The following ZSCAN20 variants were observed in gnomAD, a reference collection of about 807,000 sequenced individuals.
ZSCAN20 encodes zinc finger and SCAN domain-containing protein 20.
ZSCAN20 carries 39 observed loss-of-function variants against 97.1 expected under a neutral mutation model. The observed-to-expected ratio is 0.40, with a 90% CI of 0.31 to 0.52. The LOEUF is 0.52. ZSCAN20 is among the 20% of genes least tolerant of loss of function. The pLI is 0.49. For missense variants in ZSCAN20, 1,115 were observed against 1,290.4 expected, an observed-to-expected ratio of 0.86 and a Z score of 2.08; for synonymous variants, 456 against 467.3, an observed-to-expected ratio of 0.98 and a Z score of 0.31.
chr1:33,495,595 G>A lies in ZSCAN20; in HGVS notation c.*119G>A. The A allele has an allele frequency of 1.1e-6, 1 of 936,184 alleles. No individual in the cohort carries two copies. Among genetic ancestry groups the A allele is most frequent in the Non-Finnish European group, 1.5e-6 (1 of 689,504 alleles). The allele number at this position is 936,184 out of a possible 1,614,324, so 58.0% of individuals were successfully genotyped here. On this transcript the variant is annotated 3_prime_UTR_variant, in exon 8 of 8. Coordinates refer to ENST00000684572, the MANE Select transcript of ZSCAN20 (RefSeq NM_001377376.1). ...GGTGTGTACCCAGGGAAGTTATCTTGGTATAAACCAGGTAATTTGGAAGTG... is the reference window on the plus strand; with the variant it reads ...GGTGTGTACCCAGGGAAGTTATCTTAGTATAAACCAGGTAATTTGGAAGTG...
Position 33,498,708 on chromosome 1 carries a change from C to T in ZSCAN20, c.*3232C>T, listed in dbSNP as rs961846857. Among the ~76,000 whole-genome samples, 1 of 152,168 alleles carries T rather than the reference C, an allele frequency of 6.6e-6. No homozygotes were observed. Among genetic ancestry groups the T allele is most frequent in the African/African-American group, 2.4e-5 (1 of 41,436 alleles). On this transcript the variant is annotated 3_prime_UTR_variant, in exon 8 of 8. Coordinates refer to ENST00000684572, the MANE Select transcript of ZSCAN20 (RefSeq NM_001377376.1). The stretch of plus-strand genomic sequence containing the variant: ...GGAAAACCAAACCAGCAAATGCTGC[C>T]CTGGGAGGGTGTTACATCATGTGAG...
rs1652723013 is a variant in ZSCAN20 at position 33,493,750 on chromosome 1, T to C, written c.1873+135T>C. 1 of 1,003,662 alleles carries C rather than the reference T, an allele frequency of 1.0e-6. No homozygotes were observed. Among genetic ancestry groups the C allele is most frequent in the African/African-American group, 1.6e-5 (1 of 61,862 alleles). 62.2% of individuals were successfully genotyped at this position (1,003,662 alleles called of 1,614,324 possible). On this transcript the variant is annotated intron_variant, in intron 7 of 7. Coordinates refer to ENST00000684572, the MANE Select transcript of ZSCAN20 (RefSeq NM_001377376.1). The surrounding 1 kb of genome is among the most constrained non-coding windows in gnomAD (Gnocchi z 4.3). ...ATGGGAAAAAGTATTTCTGCTTTGC[T>C]CAGATTATCCAGTCTCTAGCTTTGT...
At position 33,479,617 on chromosome 1, in the gene ZSCAN20, G is replaced by C; in HGVS notation, c.329G>C (p.Trp110Ser). The C allele has an allele frequency of 6.2e-7, 1 of 1,612,940 alleles. No individual in the cohort carries two copies. Among genetic ancestry groups the C allele is most frequent in the Non-Finnish European group, 8.5e-7 (1 of 1,179,462 alleles). Residue 110 changes from tryptophan (W) to serine (S), a missense_variant, in exon 2 of 8, where the codon TGG (tryptophan) becomes TCG (serine). By Grantham distance (177) the Trp-to-Ser change is radical. Around this residue, in one of 3 missense-constraint regions of ZSCAN20, gnomAD observed 508 missense variants for 611.2 expected, o/e 0.83. Transcript: ENST00000684572. ...ATCTTGCCTAGGGAGGTCCAGACCT[G>C]GGTGCAGGCACGCCACCCTGAGAGT... is the stretch of plus-strand genomic sequence containing the variant. ...LTILPREVQT[W>S]VQARHPESGE...
intron 2 of ZSCAN20, among the ~76,000 whole-genome samples, chr1:33,479,945 A>G (rs1652083656): frequency 6.6e-6 from 1 of 152,196 alleles, no homozygotes; most frequent in African/African-American, 2.4e-5. Flanking sequence ...GTGAGAAAAC[A>G]GAGACAGAGA....
At chr1:33,483,944 AT>A (rs35192732) in intron 2 of ZSCAN20, among the ~76,000 whole-genome samples, 117,783 of 151,954 alleles carry the variant, frequency 0.78, 45,983 homozygotes, top group African/African-American at 0.84. Context: ...TAAATATTTC[AT>A]TTTTTTTGGA....
In ZSCAN20 at chr1:33,496,094, G is replaced by A. The variant is rs759676732; in HGVS notation, c.*618G>A. On this transcript the variant is annotated 3_prime_UTR_variant, in exon 8 of 8. Transcript: ENST00000684572. ...CATCATCTCATTTAATCTTCACAAC[G>A]GCCCCAGGAGATAAGTACTAACTTT... 2.6e-5 allele frequency: 4 copies of A among 152,110 alleles called. No homozygotes were observed. The highest frequency in any genetic ancestry group is 5.9e-5 in the Non-Finnish European group (4 of 68,036). 9.4% of individuals were successfully genotyped at this position (152,110 alleles called of 1,614,324 possible).
intron 2 of ZSCAN20, among the ~76,000 whole-genome samples, chr1:33,483,683 A>AC (rs1255307953): frequency 2.0e-5 from 3 of 151,452 alleles, no homozygotes; most frequent in African/African-American, 7.3e-5. Context: ...ATTGAAAAAA[A>AC]AAAAAAGAAA....
chr1:33,488,674 G>C, intron 3 of ZSCAN20, 23 bp downstream of exon 3: 1 of 1,599,406 alleles, frequency 6.3e-7, no homozygotes, highest in Non-Finnish European at 8.5e-7. Context: ...GAGAACATTA[G>C]GGAATGAGGC....
intron 3 of ZSCAN20, 32 bp downstream of exon 3, chr1:33,488,683 G>T (rs1299217024): frequency 1.9e-6 from 3 of 1,593,458 alleles, no homozygotes; most frequent in Non-Finnish European, 2.6e-6. Context: ...AGGGAATGAG[G>T]CCTTCTGCAG....
Position 33,494,384 on chromosome 1 carries a change from C to T in ZSCAN20, c.2040C>T (p.Pro680=). The T allele has an allele frequency of 6.2e-7, 1 of 1,614,096 alleles. No homozygotes were observed. The highest frequency in any genetic ancestry group is 8.5e-7 in the Non-Finnish European group (1 of 1,179,986). ...ENEDEGQWGN[P]SQEQWQESSS... Reference sequence around the variant, plus strand: ...AAGATGAAGGGCAGTGGGGAAATCCCTCACAGGAACAGTGGCAAGAAAGTT... The same window carrying T: ...AAGATGAAGGGCAGTGGGGAAATCCTTCACAGGAACAGTGGCAAGAAAGTT... The change falls in exon 8 of 8, where the codon CCC becomes CCT. Residue 680 remains proline (P), a synonymous_variant. Transcript: ENST00000684572.
Position 33,494,875 on chromosome 1 carries a change from C to T in ZSCAN20, c.2531C>T (p.Ser844Phe). ...TCTTTTAGTGCTCACTGGAGGAATT[C>T]TACAGAAGAGACAGCTCCTGAACAA... ...SPSFSAHWRN[S>F]TEETAPEQPQ... Residue 844 changes from serine to phenylalanine, a missense_variant, in exon 8 of 8, where the codon TCT becomes TTT. Physicochemically the swap from Ser to Phe is radical, Grantham distance 155. Coordinates refer to ENST00000684572, the MANE Select transcript of ZSCAN20 (RefSeq NM_001377376.1). 1 of 1,614,154 alleles carries T rather than the reference C, an allele frequency of 6.2e-7. No individual in the cohort carries two copies.
rs998185582 is a variant in ZSCAN20, at chr1:33,499,880, T to C, written c.*4404T>C. ...CCAAAGCTCCCCTTAACCTCAGTTT[T>C]GATCCCATCCTCCATTTGGGCATTG... On this transcript the variant is annotated 3_prime_UTR_variant, in exon 8 of 8. Coordinates refer to ENST00000684572, the MANE Select transcript of ZSCAN20 (RefSeq NM_001377376.1). Among the ~76,000 whole-genome samples, 6 of 152,100 alleles carry C rather than the reference T, an allele frequency of 3.9e-5. No individual in the cohort carries two copies. The highest frequency in any genetic ancestry group is 1.4e-4 in the African/African-American group (6 of 41,414).
intron 1 of ZSCAN20, among the ~76,000 whole-genome samples, chr1:33,473,953 A>G (rs1186090712): frequency 1.3e-5 from 2 of 152,244 alleles, no homozygotes; most frequent in Non-Finnish European, 2.9e-5. Context: ...AAGCTTTGCT[A>G]TACCAGCCTT....
Position 33,500,218 on chromosome 1 carries a change from G to A in ZSCAN20, c.*4742G>A, listed in dbSNP as rs1653018837. Among the ~76,000 whole-genome samples the A allele has an allele frequency of 6.6e-6, 1 of 152,124 alleles. No individual in the cohort carries two copies. On this transcript the variant is annotated 3_prime_UTR_variant, in exon 8 of 8. Transcript: ENST00000684572. ...GCATGTTTTCGGGGGGCAAAGGCAG[G>A]TTCCTTCCTTACCTTATTGTTGCTT...
At chr1:33,490,966 T>C in intron 5 of ZSCAN20, 59 bp from the exon 6 acceptor site, 1 of 1,479,508 alleles carries the variant, frequency 6.8e-7, no homozygotes, top group Non-Finnish European at 9.1e-7. Flanking sequence ...AGGGAGATTT[T>C]GGACAAACAT....
Position 33,489,158 on chromosome 1 carries a change from C to T in ZSCAN20, c.648C>T (p.Ser216=), listed in dbSNP as rs532453426. The change falls in exon 4 of 8, where the codon AGC becomes AGT. Residue 216 remains serine, a synonymous_variant. Transcript: ENST00000684572. ...TCCCTACTCTCCCAAAGATGGGGAG[C>T]GTTGGAGATTGGGAGGTGACAGCTG... is the stretch of plus-strand genomic sequence containing the variant. ...PRVPTLPKMG[S]VGDWEVTAES... 70 of 1,613,834 alleles carry T rather than the reference C, an allele frequency of 4.3e-5. No individual in the cohort carries two copies. Among genetic ancestry groups the T allele is most frequent in the South Asian group, 4.2e-4 (38 of 90,972 alleles).
chr1:33,495,249 C>T lies in ZSCAN20; in HGVS notation c.2905C>T (p.Arg969Cys), dbSNP rs763522543. 1.6e-5 allele frequency: 26 copies of T among 1,612,372 alleles called. No individual in the cohort carries two copies. The South Asian group carries it at 2.1e-4, about 13-fold the overall frequency. Residue 969 changes from arginine (R) to cysteine (C), a missense_variant, in exon 8 of 8, where the codon CGT becomes TGT. Physicochemically the swap from Arg to Cys is radical, Grantham distance 180. Around this residue, in one of 3 missense-constraint regions of ZSCAN20, gnomAD observed 554 missense variants for 584.9 expected, o/e 0.95. Transcript: ENST00000684572. ...YKCLECGKFF[R>C]DRSNLITHQR... ...ATGCCTTGAGTGTGGAAAATTCTTC[C>T]GTGACCGTTCTAACCTCATTACTCA...
rs756947455 is a variant in ZSCAN20, at chr1:33,479,409, C to T, written c.121C>T (p.Arg41Cys). Residue 41 changes from arginine (R) to cysteine (C), a missense_variant, in exon 2 of 8, where the codon CGT (arginine) becomes TGT (cysteine). By Grantham distance (180) the Arg-to-Cys change is radical (BLOSUM62 -3). Transcript: ENST00000684572. The part of the protein sequence containing the change: ...GSESKLWEKD[R>C]GSVSGPEASR... ...AGAATCCAAACTCTGGGAGAAGGAC[C>T]GTGGCTCTGTCTCTGGCCCAGAGGC... 14 of 1,614,124 alleles carry T rather than the reference C, an allele frequency of 8.7e-6. No homozygotes were observed. Among genetic ancestry groups the T allele is most frequent in the African/African-American group, 1.3e-5 (1 of 74,946 alleles).
chr1:33,494,443 A>C lies in ZSCAN20; in HGVS notation c.2099A>C (p.His700Pro). The change falls in exon 8 of 8, where the codon CAT becomes CCT. Residue 700 changes from histidine (H) to proline (P), a missense_variant. Transcript: ENST00000684572. ...SEEDLEKLID[H>P]QGLYLAEKPY... ...GAGGACTTAGAAAAACTTATTGACCATCAAGGCCTGTACCTTGCAGAGAAA... is the reference window on the plus strand; with the variant it reads ...GAGGACTTAGAAAAACTTATTGACCCTCAAGGCCTGTACCTTGCAGAGAAA... 6.2e-7 allele frequency: 1 copy of C among 1,613,754 alleles called. No individual in the cohort carries two copies. Among genetic ancestry groups the C allele is most frequent in the Non-Finnish European group, 8.5e-7 (1 of 1,179,764 alleles).
Sources: allele counts gnomAD v4.1 joint callset (sites outside exome capture counted in the v4.1 genomes callset), GRCh38; gene constraint gnomAD v4.1.1; regional missense constraint gnomAD v4.1.1; non-coding constraint Gnocchi (gnomAD v3.1); transcripts MANE v1.5; gene names NCBI Gene and HGNC (gene_info 2026-07-23, HGNC 2026-07-21).